TPH2: variants seen among roughly 807,000 people sequenced by gnomAD.
The protein encoded by TPH2 is tryptophan 5-hydroxylase 2.
A neutral mutation model predicts 59.1 loss-of-function variants in TPH2; 27 were observed. The ratio of observed to expected loss-of-function variants is 0.46; its 90% confidence interval spans 0.34 to 0.63. The LOEUF is 0.63. Among genes scored for constraint, TPH2 ranks in the 30% least tolerant of loss-of-function variants. The probability of loss-of-function intolerance (pLI) is 0.01; values close to 1 mark genes in which losing one functional copy is unlikely to be tolerated. For missense variants in TPH2, 523 were observed against 588.3 expected, an observed-to-expected ratio of 0.89 and a Z score of 1.15; for synonymous variants, 220 against 210.5, an observed-to-expected ratio of 1.05 and a Z score of -0.39.
intron 9 of TPH2, 106 bp downstream of exon 9, chr12:72,022,600 A>G: frequency 2.1e-6 from 2 of 937,830 alleles, no homozygotes; most frequent in African/African-American, 3.2e-5. Flanking sequence ...TACTCCATAA[A>G]TATTTAACAT....
chr12:71,974,653 C>G (rs1393112420), intron 6 of TPH2, among the ~76,000 whole-genome samples: 1 of 152,182 alleles, frequency 6.6e-6, no homozygotes, highest in African/African-American at 2.4e-5. Flanking sequence ...CTCACAGATT[C>G]AGGAGATTAA....
chr12:72,031,428 T>C, intron 10 of TPH2, 37 bp downstream of exon 10: 1 of 1,613,104 alleles, frequency 6.2e-7, no homozygotes, highest in Non-Finnish European at 8.5e-7. Flanking sequence ...AGAAAATAAC[T>C]TTTTATTTTT....
chr12:72,017,033 C>A (rs545674485), intron 8 of TPH2, among the ~76,000 whole-genome samples: 1 of 152,286 alleles, frequency 6.6e-6, no homozygotes, highest in African/African-American at 2.4e-5. Flanking sequence ...CAAAGTCATA[C>A]ATCTCTTTAA....
intron 8 of TPH2, among the ~76,000 whole-genome samples, chr12:72,006,663 T>A (rs569331622): frequency 1.3e-5 from 2 of 152,122 alleles, no homozygotes; most frequent in East Asian, 3.9e-4. Flanking sequence ...CTTGCTAACA[T>A]TGGACAATGT....
chr12:72,004,917 T>A (rs1302234719), intron 8 of TPH2, among the ~76,000 whole-genome samples: 1 of 152,218 alleles, frequency 6.6e-6, no homozygotes, highest in Non-Finnish European at 1.5e-5. Flanking sequence ...AATGTATTAC[T>A]GTACATTAGG....
At chr12:72,000,504 T>C (rs1275809492) in intron 8 of TPH2, among the ~76,000 whole-genome samples, 1 of 152,194 alleles carries the variant, frequency 6.6e-6, no homozygotes, top group Non-Finnish European at 1.5e-5. Context: ...TTGGCATTCC[T>C]GACAGATCTC....
chr12:71,972,373 T>C, intron 5 of TPH2, 146 bp from the exon 6 acceptor site: 1 of 789,226 alleles, frequency 1.3e-6, no homozygotes, highest in Non-Finnish European at 2.2e-6. Flanking sequence ...AGCATTTGCT[T>C]TAAAAAATAA....
At chr12:71,987,958 T>C (rs1872486308) in intron 7 of TPH2, among the ~76,000 whole-genome samples, 1 of 152,250 alleles carries the variant, frequency 6.6e-6, no homozygotes, top group Non-Finnish European at 1.5e-5. Flanking sequence ...TGTGGTTATC[T>C]ACATTTATTA....
chr12:72,001,767 A>G (rs903889316), intron 8 of TPH2, among the ~76,000 whole-genome samples: 8 of 152,040 alleles, frequency 5.3e-5, no homozygotes, highest in Non-Finnish European at 8.8e-5. Flanking sequence ...AACTTACCAT[A>G]TCTCCTCCAT....
chr12:72,012,970 T>C (rs1873139526), intron 8 of TPH2, among the ~76,000 whole-genome samples: 1 of 152,202 alleles, frequency 6.6e-6, no homozygotes, highest in African/African-American at 2.4e-5. Flanking sequence ...CCATTTATTC[T>C]TGAAAGCAAC....
At chr12:72,030,246 A>G (rs1392320223) in intron 9 of TPH2, among the ~76,000 whole-genome samples, 1 of 152,168 alleles carries the variant, frequency 6.6e-6, no homozygotes, top group Non-Finnish European at 1.5e-5. Context: ...ATTTCTCAAT[A>G]TATAGTTCAC....
chr12:71,960,601 T>C (rs1436774158), intron 5 of TPH2, among the ~76,000 whole-genome samples: 1 of 152,156 alleles, frequency 6.6e-6, no homozygotes, highest in East Asian at 1.9e-4. Flanking sequence ...TTTTTGCTTT[T>C]TGGGCTTGGT....
intron 5 of TPH2, chr12:71,962,365 C>T (rs946998407): frequency 1.1e-5 from 11 of 985,410 alleles, no homozygotes; most frequent in Middle Eastern, 1.0e-3. Flanking sequence ...TAGTTAAGTT[C>T]GGACTTTTCT....
chr12:71,994,429 T>G lies in TPH2; in HGVS notation c.942-10T>G, dbSNP rs1872645290. 1.2e-6 allele frequency: 2 copies of G among 1,613,628 alleles called. No homozygotes were observed. Among genetic ancestry groups the G allele is most frequent in the African/African-American group, 1.3e-5 (1 of 74,920 alleles). ...TATTTAACACGTCTTTGTGATGTCTTTTTTGTCAGAGACACATGCCATGAA... is the reference window on the plus strand; with the variant it reads ...TATTTAACACGTCTTTGTGATGTCTGTTTTGTCAGAGACACATGCCATGAA... On this transcript the variant is annotated splice_polypyrimidine_tract_variant and intron_variant, in intron 7 of 10. Transcript: ENST00000333850.
chr12:71,967,128 G>A (rs1871839278), intron 5 of TPH2, among the ~76,000 whole-genome samples: 1 of 152,190 alleles, frequency 6.6e-6, no homozygotes, highest in South Asian at 2.1e-4. Flanking sequence ...AGTCAAAAAT[G>A]TGTTTGTTAA....
chr12:72,031,416 A>G, intron 10 of TPH2, 25 bp downstream of exon 10: 3 of 1,613,440 alleles, frequency 1.9e-6, no homozygotes, highest in Non-Finnish European at 2.5e-6. Context: ...CCTCCTAGCT[A>G]GAGAAAATAA....
At chr12:71,992,683 C>T (rs1022148867) in intron 7 of TPH2, among the ~76,000 whole-genome samples, 1 of 152,072 alleles carries the variant, frequency 6.6e-6, no homozygotes. Flanking sequence ...TTAGCTTCCT[C>T]ATTTGTTAAA....
rs1473225065 is a variant in TPH2, at chr12:72,032,063, T to C, written c.*368T>C. 1 of 234,010 alleles carries C rather than the reference T, an allele frequency of 4.3e-6. No individual in the cohort carries two copies. Among genetic ancestry groups the C allele is most frequent in the East Asian group, 9.6e-5 (1 of 10,444 alleles). The allele number at this position is 234,010 out of a possible 1,614,324, so 14.5% of individuals were successfully genotyped here. The stretch of plus-strand genomic sequence containing the variant: ...AAGCCTTTCCTCTGTGTTCATTAGA[T>C]AAAATGAAAAAAAGCAGTGAAGCTG... On this transcript the variant is annotated 3_prime_UTR_variant, in exon 11 of 11. Transcript: ENST00000333850.
At chr12:72,008,325 C>T (rs1242293334) in intron 8 of TPH2, among the ~76,000 whole-genome samples, 4 of 152,172 alleles carry the variant, frequency 2.6e-5, no homozygotes, top group Non-Finnish European at 4.4e-5. Context: ...ATTCAGAAAC[C>T]GTTGACCTGT....
Sources: gnomAD v4.1 joint callset for allele counts (sites outside exome capture counted in the v4.1 genomes callset) on GRCh38, gnomAD v4.1.1 for gene constraint, MANE v1.5 for transcripts, NCBI Gene and HGNC (gene_info 2026-07-23, HGNC 2026-07-21) for gene names.